The following FDX1 variants were observed in gnomAD, a reference collection of about 807,000 sequenced individuals.
The protein encoded by FDX1 is adrenodoxin, mitochondrial.
Under a neutral mutation model 14.9 loss-of-function variants are expected in FDX1, and 9 were observed. The ratio of observed to expected loss-of-function variants is 0.60; its 90% CI spans 0.36 to 1.05. The LOEUF is 1.05. FDX1 is among the 50% of genes least tolerant of loss of function. FDX1 has a pLI of 0.01. For missense variants in FDX1, 204 were observed against 237.2 expected (o/e 0.86, Z 0.92); for synonymous variants, 92 against 99.4 (o/e 0.93, Z 0.44).
chr11:110,430,649 G>A (rs370677308), intron 1 of FDX1, among the ~76,000 whole-genome samples: 9 of 152,286 alleles, frequency 5.9e-5, no homozygotes, highest in Admixed American at 2.0e-4. Flanking sequence ...GATTTGTCTG[G>A]GATCTGACCT....
chr11:110,437,824 A>G (rs1231527435), intron 2 of FDX1, among the ~76,000 whole-genome samples: 2 of 152,076 alleles, frequency 1.3e-5, no homozygotes, highest in African/African-American at 2.4e-5. Flanking sequence ...CCCAGTATCT[A>G]CTGTTCCCAA....
chr11:110,431,008 TC>T (rs1400512509), intron 1 of FDX1, among the ~76,000 whole-genome samples: 1 of 152,182 alleles, frequency 6.6e-6, no homozygotes, highest in Non-Finnish European at 1.5e-5. Flanking sequence ...AGTGTAGACC[TC>T]CTATGGTTAA....
chr11:110,438,903 G>GT (rs1349909602), intron 2 of FDX1, among the ~76,000 whole-genome samples: 2 of 151,764 alleles, frequency 1.3e-5, no homozygotes, highest in Non-Finnish European at 2.9e-5. Context: ...TGTTTACTTT[G>GT]TTTTTTTGTT....
At chr11:110,452,729 A>C (rs905492945) in intron 2 of FDX1, among the ~76,000 whole-genome samples, 3 of 152,380 alleles carry the variant, frequency 2.0e-5, no homozygotes, top group African/African-American at 7.2e-5. Context: ...GGACATTCAA[A>C]CAGTGGAATG....
At chr11:110,460,287 T>C (rs749376071) in intron 3 of FDX1, among the ~76,000 whole-genome samples, 3 of 152,214 alleles carry the variant, frequency 2.0e-5, no homozygotes, top group Non-Finnish European at 2.9e-5. Flanking sequence ...TTCCTGGTGG[T>C]TCCTCCTTGC....
At chr11:110,431,381 G>GGA (rs1197434173) in intron 1 of FDX1, among the ~76,000 whole-genome samples, 1 of 152,178 alleles carries the variant, frequency 6.6e-6, no homozygotes, top group Non-Finnish European at 1.5e-5. Flanking sequence ...AGAACTAGAG[G>GGA]GAGAGTGTGT....
At chr11:110,438,057 A>G (rs1261199842) in intron 2 of FDX1, among the ~76,000 whole-genome samples, 4 of 152,168 alleles carry the variant, frequency 2.6e-5, no homozygotes, top group African/African-American at 9.7e-5. Flanking sequence ...CTGATTCCAT[A>G]TGTTTGCTAT....
intron 2 of FDX1, among the ~76,000 whole-genome samples, chr11:110,437,579 C>T (rs996929991): frequency 3.9e-5 from 6 of 152,056 alleles, no homozygotes; most frequent in South Asian, 2.1e-4. Flanking sequence ...AACATTTTTC[C>T]GTATGTTTGT....
At chr11:110,457,602 TA>T (rs1427387959) in intron 3 of FDX1, among the ~76,000 whole-genome samples, 1 of 152,158 alleles carries the variant, frequency 6.6e-6, no homozygotes, top group Non-Finnish European at 1.5e-5. Flanking sequence ...AAAAATTATC[TA>T]GTCTTTTGAT....
intron 2 of FDX1, among the ~76,000 whole-genome samples, chr11:110,453,649 A>G (rs1225440122): frequency 6.6e-6 from 1 of 151,902 alleles, no homozygotes; most frequent in African/African-American, 2.4e-5. Context: ...TATAGGTTAA[A>G]TCTCAAAACA....
intron 2 of FDX1, among the ~76,000 whole-genome samples, chr11:110,437,896 T>C (rs1946381147): frequency 6.6e-6 from 1 of 152,240 alleles, no homozygotes; most frequent in Non-Finnish European, 1.5e-5. Flanking sequence ...TTTGCTTTTC[T>C]GGTTCTGTGT....
At chr11:110,432,389 G>A (rs758034114) in intron 1 of FDX1, among the ~76,000 whole-genome samples, 5 of 151,938 alleles carry the variant, frequency 3.3e-5, no homozygotes, top group African/African-American at 9.7e-5. Flanking sequence ...AAGTTTTTGC[G>A]GATTTTAAAA....
chr11:110,444,506 C>T (rs1171036786), intron 2 of FDX1, among the ~76,000 whole-genome samples: 1 of 150,794 alleles, frequency 6.6e-6, no homozygotes, highest in Admixed American at 6.6e-5. Flanking sequence ...GTCCCAGCTA[C>T]TTGGGAGGCT....
At position 110,463,776 on chromosome 11, in the gene FDX1, G is replaced by A. The variant is rs1402315844; in HGVS notation, c.*1308G>A. On this transcript the variant is annotated 3_prime_UTR_variant, in exon 4 of 4. Coordinates refer to ENST00000260270, the MANE Select transcript of FDX1 (RefSeq NM_004109.5). Reference sequence around the variant, plus strand: ...GAAAATATAAAATATGTATGTATGTGCAGATAATTTGCTTGAACTAAACTG... The same window carrying A: ...GAAAATATAAAATATGTATGTATGTACAGATAATTTGCTTGAACTAAACTG... 3 of 152,160 alleles carry A rather than the reference G, an allele frequency of 2.0e-5. No individual in the cohort carries two copies. Among genetic ancestry groups the A allele is most frequent in the Non-Finnish European group, 4.4e-5 (3 of 68,040 alleles). 9.4% of individuals were successfully genotyped at this position (152,160 alleles called of 1,614,324 possible). A position where few individuals can be genotyped will look rare whatever the true frequency, so the allele number is the denominator to read the frequency against.
At chr11:110,432,965 A>T (rs940034836) in intron 1 of FDX1, among the ~76,000 whole-genome samples, 1 of 152,226 alleles carries the variant, frequency 6.6e-6, no homozygotes, top group African/African-American at 2.4e-5. Flanking sequence ...GTCTTTAAAT[A>T]ACAGTTATTA....
At position 110,430,319 on chromosome 11, in the gene FDX1, C is replaced by A; in HGVS notation, c.185+14C>A. On this transcript the variant is annotated intron_variant, in intron 1 of 3. Coordinates refer to ENST00000260270, the MANE Select transcript of FDX1 (RefSeq NM_004109.5). ...GGCCCGGAGCAGGTAGGGCGCCGTG[C>A]GGGCGCGATCGCCGGCGCGGGCCGG... 1 of 1,188,788 alleles carries A rather than the reference C, an allele frequency of 8.4e-7. No individual in the cohort carries two copies. The highest frequency in any genetic ancestry group is 1.0e-6 in the Non-Finnish European group (1 of 959,728). The allele number at this position is 1,188,788 out of a possible 1,614,324, so 73.6% of individuals were successfully genotyped here.
chr11:110,439,021 TC>T (rs1946388583), intron 2 of FDX1, among the ~76,000 whole-genome samples: 1 of 152,170 alleles, frequency 6.6e-6, no homozygotes. Context: ...TTCTCCTGCC[TC>T]AGCCTCTTGA....
rs1197963132 is a variant in FDX1, at chr11:110,430,176, G to A, written c.56G>A (p.Gly19Asp). The A allele has an allele frequency of 7.9e-5, 97 of 1,232,512 alleles. No individual in the cohort carries two copies. The highest frequency in any genetic ancestry group is 4.0e-4 in the East Asian group (12 of 30,256). 76.3% of individuals were successfully genotyped at this position (1,232,512 alleles called of 1,614,324 possible). The change falls in exon 1 of 4, where the codon GGC (glycine) becomes GAC (aspartate). Residue 19 changes from glycine to aspartate, a missense_variant. Coordinates refer to ENST00000260270, the MANE Select transcript of FDX1 (RefSeq NM_004109.5). The stretch of plus-strand genomic sequence containing the variant: ...CGCGCCGCTTCTGCTGTCCTCGGCG[G>A]CCCGGCCGGCCGGTGGCTGCACCAC... ...LLRAASAVLG[G>D]PAGRWLHHAG... is the part of the protein sequence containing the mutation.
At chr11:110,446,758 C>T (rs1409429879) in intron 2 of FDX1, among the ~76,000 whole-genome samples, 2 of 152,214 alleles carry the variant, frequency 1.3e-5, no homozygotes, top group Admixed American at 6.5e-5. Flanking sequence ...TCCATCCCTA[C>T]AGTCGGCACG....
Sources: gnomAD v4.1 joint callset for allele counts (sites outside exome capture counted in the v4.1 genomes callset) on GRCh38, gnomAD v4.1.1 for gene constraint, MANE v1.5 for transcripts, NCBI Gene and HGNC (gene_info 2026-07-23, HGNC 2026-07-21) for gene names.